Variants in ITGAE observed in about 807,000 individuals in gnomAD.
The protein encoded by ITGAE is integrin alpha-E.
A neutral mutation model predicts 136.5 loss-of-function variants in ITGAE; 99 were observed. That is an observed-to-expected ratio of 0.73 (90% CI 0.62 to 0.86). The LOEUF (loss-of-function observed/expected upper bound fraction) is 0.86. Ranked by LOEUF, ITGAE falls within the 40% of genes least tolerant of loss-of-function variation. ITGAE has a pLI of 0.00. For synonymous variants in ITGAE, 613 were observed against 591.8 expected (o/e 1.04, Z -0.52); for missense variants, 1,447 against 1,515.3 (o/e 0.95, Z 0.75).
At chr17:3,800,200 G>A (rs989250140) in intron 1 of ITGAE, among the ~76,000 whole-genome samples, 5 of 152,298 alleles carry the variant, frequency 3.3e-5, no homozygotes, top group Admixed American at 6.5e-5. Context: ...TACACATTGT[G>A]GCCTGCTTCC....
chr17:3,793,971 TC>T (rs1353683496), intron 1 of ITGAE, among the ~76,000 whole-genome samples: 13 of 126,612 alleles, frequency 1.0e-4, no homozygotes, highest in East Asian at 8.8e-4. Flanking sequence ...TTCCTCTTCA[TC>T]CTTTTTTTTT....
At chr17:3,723,870 G>T (rs1004506129) in intron 26 of ITGAE, 126 bp from the exon 27 acceptor site, 4 of 1,516,568 alleles carry the variant, frequency 2.6e-6, no homozygotes, top group Non-Finnish European at 3.5e-6. Context: ...CGCGGCAGGC[G>T]GGCGCGTCCG....
chr17:3,796,654 C>T (rs887656551), intron 1 of ITGAE, among the ~76,000 whole-genome samples: 2 of 152,006 alleles, frequency 1.3e-5, no homozygotes, highest in Non-Finnish European at 2.9e-5. Context: ...TGTCTGTCAC[C>T]ACACTACCCA....
At chr17:3,797,589 T>C (rs554596031) in intron 1 of ITGAE, among the ~76,000 whole-genome samples, 26 of 151,944 alleles carry the variant, frequency 1.7e-4, no homozygotes, top group African/African-American at 6.3e-4. Flanking sequence ...GCCTCCCAAG[T>C]AGCTGGAATT....
At chr17:3,756,935 G>C (rs746064304) in intron 10 of ITGAE, 49 bp downstream of exon 10, 21 of 1,582,466 alleles carry the variant, frequency 1.3e-5, no homozygotes, top group Non-Finnish European at 1.8e-5. Flanking sequence ...GGCCGGGCTG[G>C]AGCATAGGCT....
chr17:3,715,906 C>T (rs2050933388), intron 30 of ITGAE, among the ~76,000 whole-genome samples: 1 of 151,972 alleles, frequency 6.6e-6, no homozygotes, highest in African/African-American at 2.4e-5. Flanking sequence ...ACTGTAATCC[C>T]AGAACTTTGG....
chr17:3,727,263 GAGA>G (rs1254481015), intron 26 of ITGAE, among the ~76,000 whole-genome samples: 3 of 152,150 alleles, frequency 2.0e-5, no homozygotes, highest in Admixed American at 6.6e-5. Context: ...AGTCTCAGGG[GAGA>G]AGAAGGGAAG....
intron 20 of ITGAE, among the ~76,000 whole-genome samples, chr17:3,736,970 C>A (rs889101215): frequency 2.0e-5 from 3 of 151,906 alleles, no homozygotes; most frequent in African/African-American, 7.3e-5. Context: ...TGTCTCCACC[C>A]GAGAGATGAT....
intron 15 of ITGAE, among the ~76,000 whole-genome samples, chr17:3,751,154 G>A (rs2051855330): frequency 6.6e-6 from 1 of 152,058 alleles, no homozygotes; most frequent in African/African-American, 2.4e-5. Context: ...GATGGGCCGT[G>A]TGGGAGTGAG....
chr17:3,738,189 T>G (rs1295001986), intron 20 of ITGAE, among the ~76,000 whole-genome samples: 5 of 130,476 alleles, frequency 3.8e-5, no homozygotes, highest in Non-Finnish European at 1.6e-5. Flanking sequence ...CCCCTCCCCG[T>G]TTTTGGAGTC....
chr17:3,730,764 C>A (rs7221970), intron 23 of ITGAE, among the ~76,000 whole-genome samples: 9 of 152,262 alleles, frequency 5.9e-5, no homozygotes, highest in African/African-American at 2.2e-4. Flanking sequence ...TTCCCAGCAG[C>A]GTTCCCCACC....
chr17:3,774,234 C>T (rs2052490090), intron 2 of ITGAE, among the ~76,000 whole-genome samples: 1 of 152,070 alleles, frequency 6.6e-6, no homozygotes, highest in African/African-American at 2.4e-5. Context: ...TGAAGGAAAC[C>T]CTTGACCACT....
Position 3,751,632 on chromosome 17 carries a change from GA to G in ITGAE, c.1893+17del, listed in dbSNP as rs2051869691. On this transcript the variant is annotated intron_variant, in intron 15 of 30. Transcript: ENST00000263087. Reference sequence around the variant, plus strand: ...TCAGAGCCCCAGAGGAGAGGAAGGAGAGGGCCCCATGGGTCACCTGCGAGGG... The same window carrying G: ...TCAGAGCCCCAGAGGAGAGGAAGGAGGGGCCCCATGGGTCACCTGCGAGGG... 3 of 1,607,504 alleles carry G rather than the reference GA, an allele frequency of 1.9e-6. No homozygotes were observed. In the African/African-American group the frequency reaches 4.0e-5, roughly 22 times the overall value.
At chr17:3,718,784 G>A (rs1473054582) in intron 29 of ITGAE, among the ~76,000 whole-genome samples, 1 of 152,086 alleles carries the variant, frequency 6.6e-6, no homozygotes, top group Non-Finnish European at 1.5e-5. Context: ...GAGAAATGAA[G>A]GAACAATTAT....
At chr17:3,753,132 G>T (rs540672936) in intron 14 of ITGAE, among the ~76,000 whole-genome samples, 158 bp downstream of exon 14, 1 of 152,298 alleles carries the variant, frequency 6.6e-6, no homozygotes, top group East Asian at 1.9e-4. Context: ...TGCGGAGAGC[G>T]ATGCCGCTGC....
chr17:3,756,021 C>A, intron 10 of ITGAE, 124 bp from the exon 11 acceptor site: 3 of 887,928 alleles, frequency 3.4e-6, no homozygotes, highest in Non-Finnish European at 3.5e-6. Flanking sequence ...AGGAAGAGAA[C>A]CCGGCTGAGG....
At chr17:3,743,875 G>A (rs2051650036) in intron 18 of ITGAE, among the ~76,000 whole-genome samples, 1 of 151,300 alleles carries the variant, frequency 6.6e-6, no homozygotes, top group African/African-American at 2.4e-5. Context: ...GCTAATTTTT[G>A]TATTTTTAGT....
rs2051226264 is a variant in ITGAE, at chr17:3,726,865, G to A, written c.3084+1054C>T. ...CTCAGCCTCCCGAGTAGCTGGGATT[G>A]CAGGCATACACCACCATGCCCGGCT... On this transcript the variant is annotated intron_variant, in intron 26 of 30. Coordinates refer to ENST00000263087, the MANE Select transcript of ITGAE (RefSeq NM_002208.5). Among the ~76,000 whole-genome samples the A allele has an allele frequency of 2.0e-5, 3 of 151,758 alleles. No individual in the cohort carries two copies. The South Asian group carries it at 6.3e-4, about 32-fold the overall frequency.
At chr17:3,784,547 A>G (rs1044520317) in intron 1 of ITGAE, among the ~76,000 whole-genome samples, 1 of 151,822 alleles carries the variant, frequency 6.6e-6, no homozygotes. Context: ...GGCACGCGCC[A>G]CCATGCCCGC....
Sources: gnomAD v4.1 joint callset for allele counts (sites outside exome capture counted in the v4.1 genomes callset) on GRCh38, gnomAD v4.1.1 for gene constraint, MANE v1.5 for transcripts, NCBI Gene and HGNC (gene_info 2026-07-23, HGNC 2026-07-21) for gene names.